Variants in ANTXR2 observed in about 807,000 individuals in gnomAD.
The protein encoded by ANTXR2 is ANTXR cell adhesion molecule 2.
A neutral mutation model predicts 73.7 loss-of-function variants in ANTXR2; 44 were observed. The ratio of observed to expected loss-of-function variants is 0.60; its 90% CI spans 0.47 to 0.77. The LOEUF (loss-of-function observed/expected upper bound fraction) is 0.77, where lower values mean the gene tolerates loss of function less well. Among genes scored for constraint, ANTXR2 ranks in the 30% least tolerant of loss-of-function variants. The pLI, the probability that ANTXR2 is intolerant of heterozygous loss-of-function variation, is 0.00. For synonymous variants in ANTXR2, 217 were observed against 205.9 expected (o/e 1.05, Z -0.46); for missense variants, 604 against 592.5 (o/e 1.02, Z -0.20).
chr4:80,043,874 A>G (rs1374040244), intron 7 of ANTXR2, among the ~76,000 whole-genome samples: 1 of 151,592 alleles, frequency 6.6e-6, no homozygotes, highest in East Asian at 1.9e-4. Context: ...AAGCCTGGAC[A>G]CTCTAGGAAT....
intron 16 of ANTXR2, among the ~76,000 whole-genome samples, chr4:79,926,859 A>T (rs916981989): frequency 1.3e-5 from 2 of 151,894 alleles, no homozygotes; most frequent in Non-Finnish European, 2.9e-5. Context: ...GGATAAAGAA[A>T]TTGTGGCATA....
rs1726724491 is a variant in ANTXR2 at position 79,902,015 on chromosome 4, C to CCA, written c.*5413_*5414insTG. On this transcript the variant is annotated 3_prime_UTR_variant, in exon 17 of 17. Coordinates refer to ENST00000403729, the MANE Select transcript of ANTXR2 (RefSeq NM_058172.6). ...CCATGGACCAGTACCAGTCCATGAC[C>CCA]TGGGGGATGGGATCCCTGCTCTAGA... 6.6e-6 allele frequency: 1 copy of CCA among 152,114 alleles called. No homozygotes were observed. Among genetic ancestry groups the CCA allele is most frequent in the African/African-American group, 2.4e-5 (1 of 41,434 alleles). The allele number at this position is 152,114 out of a possible 1,614,324, so 9.4% of individuals were successfully genotyped here. A position where few individuals can be genotyped will look rare whatever the true frequency, so the allele number is the denominator to read the frequency against.
Position 79,984,846 on chromosome 4 carries a change from T to C in ANTXR2, c.1059A>G (p.Pro353=), listed in dbSNP as rs745590115. ...LCCKVVIKDP[P]PPPAPAPKEE... ...CTTTTGGTGCAGGGGCGGGTGGTGG[T>C]GGAGGATCCTTAATAACCTGTCAAA... Residue 353 remains proline, a synonymous_variant, in exon 13 of 17, where the codon CCA becomes CCG. Transcript: ENST00000403729. 3.7e-6 allele frequency: 6 copies of C among 1,606,656 alleles called. No individual in the cohort carries two copies. Among genetic ancestry groups the C allele is most frequent in the Non-Finnish European group, 5.1e-6 (6 of 1,176,032 alleles).
intron 12 of ANTXR2, among the ~76,000 whole-genome samples, chr4:79,991,154 G>A (rs116861716): frequency 0.013 from 1,974 of 152,152 alleles, 73 homozygotes; most frequent in Admixed American, 0.077. Flanking sequence ...TGTCAACAGA[G>A]TAAACAGATA....
intron 16 of ANTXR2, among the ~76,000 whole-genome samples, chr4:79,935,083 T>TA (rs1728208551): frequency 6.6e-6 from 1 of 151,236 alleles, no homozygotes; most frequent in Non-Finnish European, 1.5e-5. Context: ...CCCTAAAACT[T>TA]AAAGTATAAA....
intron 10 of ANTXR2, among the ~76,000 whole-genome samples, chr4:80,020,105 T>C (rs1732085610): frequency 6.6e-6 from 1 of 152,174 alleles, no homozygotes; most frequent in Non-Finnish European, 1.5e-5. Context: ...AGGGTAGGCA[T>C]GGTGGCTCAC....
chr4:80,053,881 T>G (rs1200335945), intron 7 of ANTXR2, among the ~76,000 whole-genome samples: 2 of 151,760 alleles, frequency 1.3e-5, no homozygotes, highest in Non-Finnish European at 2.9e-5. Context: ...CTGATATAGT[T>G]AAAACAGATA....
At chr4:80,019,007 T>C (rs1329605117) in intron 10 of ANTXR2, 31 bp from the exon 11 acceptor site, 8 of 1,383,618 alleles carry the variant, frequency 5.8e-6, no homozygotes, top group South Asian at 3.0e-5. Context: ...TAATTTTATA[T>C]ACATTTAAAA....
At chr4:79,907,545 C>T in intron 16 of ANTXR2, 78 bp from the exon 17 acceptor site, 1 of 1,440,154 alleles carries the variant, frequency 6.9e-7, no homozygotes, top group South Asian at 1.2e-5. Flanking sequence ...GTTTTCCTAC[C>T]ATGATAATAA....
At chr4:80,001,629 G>A (rs954370210) in intron 12 of ANTXR2, among the ~76,000 whole-genome samples, 8 of 150,280 alleles carry the variant, frequency 5.3e-5, no homozygotes, top group African/African-American at 1.9e-4. Context: ...TCGTTGATCT[G>A]TCTAATGTTG....
intron 16 of ANTXR2, among the ~76,000 whole-genome samples, chr4:79,946,029 A>T: frequency 6.6e-6 from 1 of 152,172 alleles, no homozygotes; most frequent in Middle Eastern, 3.2e-3. Flanking sequence ...ATAATAACAA[A>T]TATTTATTAA....
intron 7 of ANTXR2, among the ~76,000 whole-genome samples, chr4:80,051,784 C>CT (rs964898331): frequency 6.6e-6 from 1 of 151,260 alleles, no homozygotes; most frequent in South Asian, 2.1e-4. Context: ...AGTGTTTCTT[C>CT]TTTTTTTTAA....
intron 12 of ANTXR2, among the ~76,000 whole-genome samples, chr4:80,006,651 T>C (rs1194487022): frequency 1.2e-4 from 18 of 152,216 alleles, no homozygotes; most frequent in South Asian, 2.1e-4. Context: ...TTGAGATCTG[T>C]AGAGTCCAAG....
At chr4:80,018,013 T>C (rs1731956807) in intron 11 of ANTXR2, among the ~76,000 whole-genome samples, 1 of 152,222 alleles carries the variant, frequency 6.6e-6, no homozygotes, top group South Asian at 2.1e-4. Context: ...CAACTACCTC[T>C]ATACAGATAA....
intron 11 of ANTXR2, among the ~76,000 whole-genome samples, chr4:80,015,918 AAGGAAAAAGG>A (rs1560993899): frequency 2.6e-4 from 16 of 61,172 alleles, no homozygotes; most frequent in East Asian, 9.9e-4. Context: ...AAGGAAAGGA[AAGGAAAAAGG>A]AAAGGAAAGG....
chr4:79,920,641 G>A (rs1727557889), intron 16 of ANTXR2, among the ~76,000 whole-genome samples: 2 of 152,090 alleles, frequency 1.3e-5, no homozygotes, highest in African/African-American at 2.4e-5. Context: ...AAGGCAGACA[G>A]ATAATGTGGC....
chr4:80,071,256 C>T (rs992285510), intron 2 of ANTXR2, among the ~76,000 whole-genome samples: 1 of 99,914 alleles, frequency 1.0e-5, no homozygotes, highest in African/African-American at 3.2e-5. Context: ...GGATACTATT[C>T]GCATAAAATT....
At chr4:79,928,061 C>G (rs1727891960) in intron 16 of ANTXR2, among the ~76,000 whole-genome samples, 1 of 152,064 alleles carries the variant, frequency 6.6e-6, no homozygotes, top group South Asian at 2.1e-4. Flanking sequence ...ATTTGTACAC[C>G]CATATTCATA....
chr4:80,040,517 T>C (rs955980456), intron 7 of ANTXR2, among the ~76,000 whole-genome samples: 5 of 152,210 alleles, frequency 3.3e-5, no homozygotes, highest in African/African-American at 1.2e-4. Flanking sequence ...TTGTAAGGAC[T>C]TTCCCTCTAA....
Sources: allele counts gnomAD v4.1 joint callset (sites outside exome capture counted in the v4.1 genomes callset), GRCh38; gene constraint gnomAD v4.1.1; transcripts MANE v1.5; gene names NCBI Gene and HGNC (gene_info 2026-07-23, HGNC 2026-07-21).